Variants in KANSL3 observed in about 807,000 individuals in gnomAD.
KANSL3 encodes the protein KAT8 regulatory NSL complex subunit 3.
Under a neutral mutation model 89.2 loss-of-function variants are expected in KANSL3, and 16 were observed. The observed-to-expected ratio is 0.18, with a 90% CI of 0.12 to 0.27. KANSL3 has a LOEUF of 0.27. KANSL3 is among the 10% of genes least tolerant of loss of function. The pLI is 1.00. For synonymous variants in KANSL3, 385 were observed against 419.7 expected (o/e 0.92, Z 1.01); for missense variants, 879 against 1,110.6 (o/e 0.79, Z 2.96).
chr2:96,596,360 C>G (rs1246816207), intron 20 of KANSL3, among the ~76,000 whole-genome samples: 1 of 152,214 alleles, frequency 6.6e-6, no homozygotes, highest in Non-Finnish European at 1.5e-5. Context: ...AGTTTAAGAC[C>G]AGCCTGGGCA....
At chr2:96,637,480 A>T (rs2074411504) in intron 1 of KANSL3, among the ~76,000 whole-genome samples, 1 of 152,222 alleles carries the variant, frequency 6.6e-6, no homozygotes, top group Admixed American at 6.5e-5. Context: ...CAGACAGTAA[A>T]CTTGCTTGGC....
the KANSL3 span, among the ~76,000 whole-genome samples, chr2:96,581,370 G>A: frequency 1.3e-5 from 2 of 151,024 alleles, no homozygotes; most frequent in African/African-American, 2.4e-5. Context: ...GTTGCAGTGA[G>A]CCAAGATCAT....
chr2:96,609,645 G>A, intron 11 of KANSL3, 83 bp from the exon 12 acceptor site: 1 of 1,347,270 alleles, frequency 7.4e-7, no homozygotes. Flanking sequence ...TCTTTTCTGG[G>A]TTGTTTATTT....
chr2:96,603,977 C>T (rs919797448), intron 17 of KANSL3: 23 of 306,796 alleles, frequency 7.5e-5, no homozygotes, highest in Non-Finnish European at 1.4e-4. Flanking sequence ...TATGTCCTAT[C>T]GGCTATTTCT....
At chr2:96,606,877 A>C in intron 14 of KANSL3, 1 of 649,726 alleles carries the variant, frequency 1.5e-6, no homozygotes, top group South Asian at 1.6e-5. Context: ...GAGGAAACCA[A>C]ACTGAGGCAG....
At chr2:96,615,165 C>CAAAAGAAAAAAAA (rs2069776042) in intron 5 of KANSL3, 2 of 83,044 alleles carry the variant, frequency 2.4e-5, no homozygotes, top group African/African-American at 6.3e-5. Flanking sequence ...GAGACTGTCT[C>CAAAAGAAAAAAAA]AAAAAAAAAA....
chr2:96,587,067 T>C, the KANSL3 span, among the ~76,000 whole-genome samples: 1 of 152,236 alleles, frequency 6.6e-6, no homozygotes, highest in African/African-American at 2.4e-5. Flanking sequence ...AAGTATATGT[T>C]GTCCACTGTT....
intron 7 of KANSL3, 44 bp downstream of exon 7, chr2:96,612,774 T>TA: frequency 6.9e-7 from 1 of 1,447,240 alleles, no homozygotes; most frequent in Non-Finnish European, 9.5e-7. Flanking sequence ...CCTCCAAGAC[T>TA]ATATTCCCTG....
the KANSL3 span, among the ~76,000 whole-genome samples, chr2:96,587,568 AG>A: frequency 6.6e-6 from 1 of 152,240 alleles, no homozygotes; most frequent in Non-Finnish European, 1.5e-5. Flanking sequence ...GAAGATTTAA[AG>A]AAGATCGAGT....
At chr2:96,617,913 G>A (rs975297557) in intron 5 of KANSL3, among the ~76,000 whole-genome samples, 1 of 151,296 alleles carries the variant, frequency 6.6e-6, no homozygotes, top group Admixed American at 6.6e-5. Context: ...AACCCAGGAG[G>A]CAGAAGTTGC....
chr2:96,629,576 C>T (rs2073026845), intron 3 of KANSL3, among the ~76,000 whole-genome samples: 2 of 152,252 alleles, frequency 1.3e-5, no homozygotes, highest in East Asian at 3.9e-4. Context: ...CCCGCCTCAA[C>T]CTCCCAAAGT....
chr2:96,612,176 A>G (rs2069123208), intron 9 of KANSL3, 106 bp downstream of exon 9: 5 of 774,150 alleles, frequency 6.5e-6, no homozygotes, highest in African/African-American at 1.7e-5. Context: ...TTATATAGGT[A>G]AAGTATCTAG....
At chr2:96,627,960 A>C in intron 3 of KANSL3, 1 of 1,289,970 alleles carries the variant, frequency 7.8e-7, no homozygotes, top group South Asian at 1.2e-5. Context: ...CAATGAGAGA[A>C]GGCCTCCAAA....
Position 96,597,613 on chromosome 2 carries a change from A to AT in KANSL3, c.2617-1983dup, listed in dbSNP as rs567967395. Among the ~76,000 whole-genome samples the AT allele has an allele frequency of 3.4e-3, 511 of 151,994 alleles. 3 individuals carry two copies. The highest frequency in any genetic ancestry group is 0.012 in the African/African-American group (485 of 41,458). ...CCACTTTATTTTATTTATTTATTTT[A>AT]TTTTTTTGAGACAGAGTCTGGCTCT... On this transcript the variant is annotated intron_variant, in intron 20 of 20. Transcript: ENST00000431828.
chr2:96,615,614 G>A, intron 5 of KANSL3: 1 of 818,400 alleles, frequency 1.2e-6, no homozygotes, highest in South Asian at 1.5e-5. Flanking sequence ...TTGAAAAATT[G>A]GAGAATAAAA....
Position 96,601,648 on chromosome 2 carries a change from A to G in KANSL3, c.2611T>C (p.Ser871Pro). 6.2e-7 allele frequency: 1 copy of G among 1,613,518 alleles called. No homozygotes were observed. Among genetic ancestry groups the G allele is most frequent in the South Asian group, 1.1e-5 (1 of 90,998 alleles). Reference sequence around the variant, plus strand: ...GTCCTTCCTGGCAGACTCACCTGTGAGCTGGAGGGCAGCACCTGGGAAGAG... The same window carrying G: ...GTCCTTCCTGGCAGACTCACCTGTGGGCTGGAGGGCAGCACCTGGGAAGAG... ...ESSSQVLPSS[S>P]QRLPPAP is the part of the protein sequence containing the mutation. The change falls in exon 20 of 21, where the codon TCA becomes CCA. Residue 871 changes from serine to proline, a missense_variant. Coordinates refer to ENST00000431828, the MANE Select transcript of KANSL3 (RefSeq NM_001115016.3).
At chr2:96,598,003 G>A in intron 20 of KANSL3, 1 of 605,070 alleles carries the variant, frequency 1.7e-6, no homozygotes, top group Non-Finnish European at 2.1e-6. Flanking sequence ...CTCCAGAAAA[G>A]GGGGATTCTC....
At chr2:96,610,444 T>G (rs2068726707) in intron 11 of KANSL3, 1 of 232,916 alleles carries the variant, frequency 4.3e-6, no homozygotes, top group Non-Finnish European at 8.6e-6. Context: ...GCCTCCCGAG[T>G]AGCTGGGACT....
At chr2:96,631,596 G>C (rs1037860609) in intron 2 of KANSL3, 114 bp from the exon 3 acceptor site, 3 of 1,248,028 alleles carry the variant, frequency 2.4e-6, no homozygotes, top group African/African-American at 3.0e-5. Flanking sequence ...TTACGCATAA[G>C]CACATTATAT....
Sources: gnomAD v4.1 joint callset for allele counts (sites outside exome capture counted in the v4.1 genomes callset) on GRCh38, gnomAD v4.1.1 for gene constraint, MANE v1.5 for transcripts, NCBI Gene and HGNC (gene_info 2026-07-23, HGNC 2026-07-21) for gene names.